CSNK1D: variants seen among roughly 807,000 people sequenced by gnomAD.
CSNK1D encodes the protein casein kinase I isoform delta.
A neutral mutation model predicts 46.6 loss-of-function variants in CSNK1D; 16 were observed. That is an observed-to-expected ratio of 0.34 (90% confidence interval 0.23 to 0.52). The LOEUF (loss-of-function observed/expected upper bound fraction) is 0.52, where lower values mean the gene tolerates loss of function less well. Among genes scored for constraint, CSNK1D ranks in the 20% least tolerant of loss-of-function variants. The probability of loss-of-function intolerance (pLI) is 0.95; values close to 1 mark genes in which losing one functional copy is unlikely to be tolerated. For synonymous variants in CSNK1D, 276 were observed against 228.2 expected (o/e 1.21, Z -1.89); for missense variants, 398 against 578.4 (o/e 0.69, Z 3.20).
rs1173303232 is a variant in CSNK1D at position 82,250,351 on chromosome 17, C to G, written c.886-749G>C. 54 of 473,330 alleles carry G rather than the reference C, an allele frequency of 1.1e-4. No homozygotes were observed. In the Admixed American group the frequency reaches 1.5e-3, roughly 13 times the overall value. The allele number at this position is 473,330 out of a possible 1,614,324, so 29.3% of individuals were successfully genotyped here. A position where few individuals can be genotyped will look rare whatever the true frequency, so the allele number is the denominator to read the frequency against. On this transcript the variant is annotated intron_variant, in intron 6 of 8. Transcript: ENST00000314028. This position sits in a 1 kb window ranked among gnomAD's most constrained non-coding sequence, Gnocchi z 4.6. ...CACCTGCGGCTGCAGCACCGTGCGG[C>G]CAGCACCGCCCAGACTCCTCATGCT...
chr17:82,261,673 T>C (rs764972075), intron 2 of CSNK1D, among the ~76,000 whole-genome samples: 3 of 152,156 alleles, frequency 2.0e-5, no homozygotes, highest in African/African-American at 4.8e-5. Flanking sequence ...GGCACAGACA[T>C]GGGGCTGGGC....
At chr17:82,271,628 G>A (rs2051626811) in intron 1 of CSNK1D, among the ~76,000 whole-genome samples, 1 of 152,230 alleles carries the variant, frequency 6.6e-6, no homozygotes. Flanking sequence ...ATATGTACAG[G>A]TTCAAAAGCA....
chr17:82,240,259 G>A (rs1296391496), downstream of CSNK1D, among the ~76,000 whole-genome samples: 1 of 152,216 alleles, frequency 6.6e-6, no homozygotes, highest in East Asian at 1.9e-4. Context: ...ACTCTGCACA[G>A]CTAGGCCCAT....
Position 82,251,582 on chromosome 17 carries a change from G to C in CSNK1D, c.737-55C>G. On this transcript the variant is annotated intron_variant, in intron 5 of 8. Transcript: ENST00000314028. The surrounding 1 kb of genome is among the most constrained non-coding windows in gnomAD (Gnocchi z 4.5). ...ATGAAACCCAACTGCGACTCAAGGT[G>C]TCTCTGCCAACGTCGCTGTCTACCT... 1 of 1,598,866 alleles carries C rather than the reference G, an allele frequency of 6.3e-7. No individual in the cohort carries two copies. Among genetic ancestry groups the C allele is most frequent in the Non-Finnish European group, 8.6e-7 (1 of 1,168,786 alleles).
At chr17:82,261,760 C>T (rs1365090132) in intron 2 of CSNK1D, among the ~76,000 whole-genome samples, 1 of 152,092 alleles carries the variant, frequency 6.6e-6, no homozygotes, top group Non-Finnish European at 1.5e-5. Context: ...TTAATGTCCT[C>T]GATACCGTAC....
chr17:82,251,628 G>A lies in CSNK1D; in HGVS notation c.737-101C>T, dbSNP rs566457625. ...TACCTCCTGCTGCTGCACACTCAAG[G>A]GGAGAAGGACAGATGCAAAACACCT... is the stretch of plus-strand genomic sequence containing the variant. On this transcript the variant is annotated intron_variant, in intron 5 of 8. Transcript: ENST00000314028. This position sits in a 1 kb window ranked among gnomAD's most constrained non-coding sequence, Gnocchi z 4.5. 31 of 1,204,664 alleles carry A rather than the reference G, an allele frequency of 2.6e-5. No homozygotes were observed. In the Admixed American group the frequency reaches 5.4e-4, roughly 21 times the overall value. 74.6% of individuals were successfully genotyped at this position (1,204,664 alleles called of 1,614,324 possible).
chr17:82,239,366 G>A (rs960562488), downstream of CSNK1D: 6 of 192,474 alleles, frequency 3.1e-5, no homozygotes, highest in Non-Finnish European at 6.3e-5. Flanking sequence ...TCTCCAGCCC[G>A]TCCTACCCTG....
At position 82,252,729 on chromosome 17, in the gene CSNK1D, A is replaced by G. The variant is rs2147174068; in HGVS notation, c.566-125T>C. 9.7e-7 allele frequency: 1 copy of G among 1,035,528 alleles called. No homozygotes were observed. The highest frequency in any genetic ancestry group is 2.6e-5 in the East Asian group (1 of 38,648). The allele number at this position is 1,035,528 out of a possible 1,614,324, so 64.1% of individuals were successfully genotyped here. A position where few individuals can be genotyped will look rare whatever the true frequency, so the allele number is the denominator to read the frequency against. ...ACATGCCCAGATCACTCCAGCTGGCACTTCCAGTGGAGACGAACCTCGGAC... is the reference window on the plus strand; with the variant it reads ...ACATGCCCAGATCACTCCAGCTGGCGCTTCCAGTGGAGACGAACCTCGGAC... On this transcript the variant is annotated intron_variant, in intron 4 of 8. Coordinates refer to ENST00000314028, the MANE Select transcript of CSNK1D (RefSeq NM_001893.6). The surrounding 1 kb of genome is among the most constrained non-coding windows in gnomAD (Gnocchi z 4.6).
intron 2 of CSNK1D, among the ~76,000 whole-genome samples, chr17:82,260,731 G>A (rs1321816385): frequency 1.4e-5 from 2 of 147,394 alleles, no homozygotes; most frequent in Non-Finnish European, 3.0e-5. Flanking sequence ...ACTGACTGAC[G>A]GTGTACCGAC....
chr17:82,265,591 C>G, intron 2 of CSNK1D, 95 bp downstream of exon 2: 1 of 988,016 alleles, frequency 1.0e-6, no homozygotes, highest in Non-Finnish European at 1.6e-6. Context: ...TTGCCCAGAA[C>G]CAGTTTTGGG....
chr17:82,269,203 C>G (rs2051555432), intron 1 of CSNK1D, among the ~76,000 whole-genome samples: 1 of 151,414 alleles, frequency 6.6e-6, no homozygotes, highest in African/African-American at 2.4e-5. Context: ...AGCCTGGATG[C>G]TGGCAACTCC....
intron 1 of CSNK1D, chr17:82,271,994 G>A (rs1567822649): frequency 6.6e-6 from 1 of 152,240 alleles, no homozygotes; most frequent in Non-Finnish European, 1.5e-5. Context: ...CAAATTCAGG[G>A]GATCTTGGAA....
In CSNK1D at chr17:82,251,970, G is replaced by A; in HGVS notation, c.737-443C>T. On this transcript the variant is annotated intron_variant, in intron 5 of 8. Coordinates refer to ENST00000314028, the MANE Select transcript of CSNK1D (RefSeq NM_001893.6). The surrounding 1 kb of genome is among the most constrained non-coding windows in gnomAD (Gnocchi z 4.5). ...GATCACGCCACTGCACTCTAGCCTT[G>A]GCGACAGAGTGAGACTGTGTCTTAA... 3.2e-6 allele frequency: 1 copy of A among 314,498 alleles called. No individual in the cohort carries two copies. The highest frequency in any genetic ancestry group is 2.9e-5 in the South Asian group (1 of 34,908). The allele number at this position is 314,498 out of a possible 1,614,324, so 19.5% of individuals were successfully genotyped here.
In CSNK1D at chr17:82,249,212, G is replaced by A. The variant is rs1404503185; in HGVS notation, c.1058-198C>T. On this transcript the variant is annotated intron_variant, in intron 7 of 8. Transcript: ENST00000314028. The surrounding 1 kb of genome is among the most constrained non-coding windows in gnomAD (Gnocchi z 6.7). ...TGGGAGCGAGGTCAAGGGGCTCACA[G>A]GGGAGGAACGTGAGATGCGGGAGGA... 1 of 780,376 alleles carries A rather than the reference G, an allele frequency of 1.3e-6. No individual in the cohort carries two copies. Among genetic ancestry groups the A allele is most frequent in the African/African-American group, 1.7e-5 (1 of 57,382 alleles). 48.3% of individuals were successfully genotyped at this position (780,376 alleles called of 1,614,324 possible).
Position 82,249,873 on chromosome 17 carries a change from C to T in CSNK1D, c.886-271G>A. ...CCTGTGGGCTCAGAACTTCCTTAAA[C>T]TTCCAAATGGGCAGCAGCTACCCCC... On this transcript the variant is annotated intron_variant, in intron 6 of 8. Transcript: ENST00000314028. The surrounding 1 kb of genome is among the most constrained non-coding windows in gnomAD (Gnocchi z 6.7). 7.1e-7 allele frequency: 1 copy of T among 1,406,878 alleles called. No homozygotes were observed. Among genetic ancestry groups the T allele is most frequent in the South Asian group, 1.5e-5 (1 of 66,466 alleles). 87.1% of individuals were successfully genotyped at this position (1,406,878 alleles called of 1,614,324 possible).
At chr17:82,245,909 T>C (rs2050838885) in intron 8 of CSNK1D, 2 of 1,499,384 alleles carry the variant, frequency 1.3e-6, no homozygotes, top group African/African-American at 1.4e-5. Flanking sequence ...CAAGCTCCCA[T>C]GGGTGGGGCA....
chr17:82,241,699 AC>A (rs1226671560), downstream of CSNK1D, among the ~76,000 whole-genome samples: 1 of 152,172 alleles, frequency 6.6e-6, no homozygotes, highest in Non-Finnish European at 1.5e-5. Flanking sequence ...GCAAGAGGGA[AC>A]CACGTGAGGC....
At chr17:82,246,024 C>T (rs748145457) in intron 8 of CSNK1D, 7 of 1,610,150 alleles carry the variant, frequency 4.3e-6, no homozygotes, top group Non-Finnish European at 5.9e-6. Flanking sequence ...CCGTGGTGTT[C>T]GAAAGGAATG....
downstream of CSNK1D, among the ~76,000 whole-genome samples, chr17:82,241,305 G>A (rs1021195563): frequency 3.9e-5 from 6 of 152,208 alleles, no homozygotes; most frequent in Admixed American, 2.0e-4. Context: ...TGGTGGCCCC[G>A]GACGCTGCCG....
Sources: gnomAD v4.1 joint callset for allele counts (sites outside exome capture counted in the v4.1 genomes callset) on GRCh38, gnomAD v4.1.1 for gene constraint, Gnocchi (gnomAD v3.1) non-coding constraint, MANE v1.5 for transcripts, NCBI Gene and HGNC (gene_info 2026-07-23, HGNC 2026-07-21) for gene names.